The following FBXO34 variants were observed in gnomAD, a reference collection of about 807,000 sequenced individuals.
FBXO34 encodes the protein F-box only protein 34.
FBXO34 carries 12 observed loss-of-function variants against 24.5 expected under a neutral mutation model. The observed-to-expected ratio is 0.49, with a 90% CI of 0.31 to 0.79. The LOEUF is 0.79. Among genes scored for constraint, FBXO34 ranks in the 30% least tolerant of loss-of-function variants. The probability of loss-of-function intolerance (pLI) is 0.04; values close to 1 mark genes in which losing one functional copy is unlikely to be tolerated. For missense variants in FBXO34, 823 were observed against 857.7 expected (o/e 0.96, Z 0.51); for synonymous variants, 320 against 311.9 (o/e 1.03, Z -0.27).
At chr14:55,369,600 A>G, downstream of FBXO34, 1 of 1,474,052 alleles carries the variant, frequency 6.8e-7, no homozygotes. Flanking sequence ...CAGATTTGGT[A>G]TGTTTTGGTC....
chr14:55,401,524 A>G, the FBXO34 span, among the ~76,000 whole-genome samples: 1 of 152,238 alleles, frequency 6.6e-6, no homozygotes, highest in Non-Finnish European at 1.5e-5. Context: ...CAATTAAAAA[A>G]GTCTTCTATA....
chr14:55,336,284 T>A (rs1221541613), intron 1 of FBXO34, among the ~76,000 whole-genome samples: 1 of 152,218 alleles, frequency 6.6e-6, no homozygotes, highest in East Asian at 1.9e-4. Context: ...CCTGTTCAGT[T>A]TTCAGTAATG....
intron 1 of FBXO34, among the ~76,000 whole-genome samples, chr14:55,302,475 G>A (rs900405257): frequency 7.7e-5 from 9 of 116,538 alleles, no homozygotes; most frequent in South Asian, 5.7e-4. Context: ...TTTTTTAATT[G>A]AGGCAGGGTC....
chr14:55,431,219 A>C, the FBXO34 span, among the ~76,000 whole-genome samples: 1 of 152,244 alleles, frequency 6.6e-6, no homozygotes, highest in African/African-American at 2.4e-5. Context: ...CTCACTATCC[A>C]AAACTTCAAA....
chr14:55,416,991 A>G, the FBXO34 span, among the ~76,000 whole-genome samples: 38 of 152,384 alleles, frequency 2.5e-4, no homozygotes, highest in African/African-American at 8.4e-4. Flanking sequence ...ACCGAAAATC[A>G]TAACTAAGAG....
chr14:55,299,005 A>G (rs1191524287), intron 1 of FBXO34: 2 of 1,608,620 alleles, frequency 1.2e-6, no homozygotes, highest in Non-Finnish European at 1.7e-6. Context: ...GAGTTAATGC[A>G]GGACATTGCT....
At chr14:55,440,294 C>T in the FBXO34 span, 1 of 1,437,684 alleles carries the variant, frequency 7.0e-7, no homozygotes, top group Non-Finnish European at 9.5e-7. Flanking sequence ...AAGCCCGCCT[C>T]TTATGGTCGC....
chr14:55,374,785 G>A (rs1412744663), downstream of FBXO34, among the ~76,000 whole-genome samples: 5 of 152,040 alleles, frequency 3.3e-5, no homozygotes, highest in African/African-American at 7.3e-5. Context: ...CTGATTCAAC[G>A]CCTCCTCTAT....
intron 1 of FBXO34, among the ~76,000 whole-genome samples, chr14:55,339,189 A>G (rs1883900731): frequency 6.6e-6 from 1 of 152,190 alleles, no homozygotes; most frequent in Non-Finnish European, 1.5e-5. Context: ...TTTAGAGGGA[A>G]TGGTTAAATA....
intron 1 of FBXO34, among the ~76,000 whole-genome samples, chr14:55,326,961 GTC>G (rs1255824248): frequency 2.0e-5 from 3 of 152,304 alleles, no homozygotes; most frequent in African/African-American, 7.2e-5. Context: ...ACAAAACTAA[GTC>G]TGTTGTCTCA....
intron 1 of FBXO34, among the ~76,000 whole-genome samples, chr14:55,293,235 T>C (rs1190478945): frequency 6.6e-6 from 1 of 152,008 alleles, no homozygotes; most frequent in Non-Finnish European, 1.5e-5. Context: ...CTGTGGTGCA[T>C]TGGCACAATC....
chr14:55,398,024 T>C, the FBXO34 span, among the ~76,000 whole-genome samples: 1 of 146,972 alleles, frequency 6.8e-6, no homozygotes, highest in African/African-American at 2.6e-5. Context: ...CTTGGCTCAC[T>C]GCAAGCTCCG....
chr14:55,286,931 CAG>C lies in FBXO34; in HGVS notation c.-11+15397_-11+15398del, dbSNP rs201283954. Among the ~76,000 whole-genome samples, 684 of 129,458 alleles carry C rather than the reference CAG, an allele frequency of 5.3e-3. 4 individuals carry two copies. The highest frequency in any genetic ancestry group is 0.019 in the African/African-American group (646 of 34,248). 84.9% of individuals were successfully genotyped at this position (129,458 alleles called of 152,430 possible). A position where few individuals can be genotyped will look rare whatever the true frequency, so the allele number is the denominator to read the frequency against. Reference sequence around the variant, plus strand: ...CTTTTTTTTTTTTTTTTTTTTGAGACAGAGTCTCGCTTTTTCGCCCAGGCTGG... The same window carrying C: ...CTTTTTTTTTTTTTTTTTTTTGAGACAGTCTCGCTTTTTCGCCCAGGCTGG... On this transcript the variant is annotated intron_variant, in intron 1 of 1. Transcript: ENST00000313833.
downstream of FBXO34, among the ~76,000 whole-genome samples, chr14:55,356,733 C>T (rs1048330323): frequency 3.3e-5 from 5 of 152,102 alleles, no homozygotes; most frequent in African/African-American, 1.2e-4. Flanking sequence ...GCTGGGATTA[C>T]AGGCGTGAGC....
At chr14:55,378,181 T>C in the FBXO34 span, 2 of 847,156 alleles carry the variant, frequency 2.4e-6, no homozygotes, top group South Asian at 1.7e-5. Flanking sequence ...TGTGCCCTTT[T>C]ACTCCTTAGT....
chr14:55,419,961 G>A, the FBXO34 span, among the ~76,000 whole-genome samples: 1 of 152,166 alleles, frequency 6.6e-6, no homozygotes, highest in Non-Finnish European at 1.5e-5. Flanking sequence ...TGCTGCACTA[G>A]GCCACACATG....
At chr14:55,386,307 T>C in the FBXO34 span, among the ~76,000 whole-genome samples, 1 of 152,224 alleles carries the variant, frequency 6.6e-6, no homozygotes, top group East Asian at 1.9e-4. Context: ...AAAATGACTC[T>C]GGATCTCTAT....
At chr14:55,313,959 G>T (rs1419248626) in intron 1 of FBXO34, among the ~76,000 whole-genome samples, 1 of 152,216 alleles carries the variant, frequency 6.6e-6, no homozygotes, top group Non-Finnish European at 1.5e-5. Flanking sequence ...CTGGAGTGCA[G>T]TGGCATGATC....
chr14:55,429,229 T>G, the FBXO34 span, among the ~76,000 whole-genome samples: 1 of 152,250 alleles, frequency 6.6e-6, no homozygotes, highest in East Asian at 1.9e-4. Context: ...TATGAAGTAC[T>G]TTTACTTTTA....
Sources: allele counts gnomAD v4.1 joint callset (sites outside exome capture counted in the v4.1 genomes callset), GRCh38; gene constraint gnomAD v4.1.1; transcripts MANE v1.5; gene names NCBI Gene and HGNC (gene_info 2026-07-23, HGNC 2026-07-21).